RBFOX1: variants seen among roughly 807,000 people sequenced by gnomAD.
RBFOX1 encodes RNA binding protein fox-1 homolog 1.
RBFOX1 carries 8 observed loss-of-function variants against 57.7 expected under a neutral mutation model. The observed-to-expected ratio is 0.14, with a 90% CI of 0.08 to 0.25. The LOEUF is 0.25. RBFOX1 is among the 10% of genes least tolerant of loss of function. The pLI, the probability that RBFOX1 is intolerant of heterozygous loss-of-function variation, is 1.00. For synonymous variants in RBFOX1, 326 were observed against 222.4 expected, an observed-to-expected ratio of 1.47 and a Z score of -4.15; for missense variants, 611 against 548.5, an observed-to-expected ratio of 1.11 and a Z score of -1.14.
chr16:6,967,770 G>C (rs555586033), intron 3 of RBFOX1, among the ~76,000 whole-genome samples: 7 of 152,060 alleles, frequency 4.6e-5, no homozygotes, highest in African/African-American at 1.7e-4. Context: ...TGGGACCCTG[G>C]GGAATGTGTG....
At chr16:5,729,190 T>G (rs1270138409) in intron 3 of RBFOX1, among the ~76,000 whole-genome samples, 2 of 152,188 alleles carry the variant, frequency 1.3e-5, no homozygotes, top group Non-Finnish European at 2.9e-5. Context: ...GGCGAGGGGC[T>G]TAGACTTTCT....
chr16:6,818,947 G>A (rs1201442806), intron 3 of RBFOX1, among the ~76,000 whole-genome samples: 1 of 152,046 alleles, frequency 6.6e-6, no homozygotes, highest in African/African-American at 2.4e-5. Context: ...TCGAAATTTT[G>A]GTAGCCACCT....
chr16:7,215,725 A>ATTTTT lies in RBFOX1; in HGVS notation c.27+163640_27+163644dup, dbSNP rs56108914. ...ATCTCTAAGAATTGGCCTATTCTGG[A>ATTTTT]TTTTTTTTTTTTTTTTTGAGACGGA... On this transcript the variant is annotated intron_variant, in intron 4 of 15. Transcript: ENST00000550418. 8.9e-3 allele frequency among the ~76,000 whole-genome samples: 1,191 copies of ATTTTT among 133,322 alleles called. 39 individuals carry two copies. The highest frequency in any genetic ancestry group is 0.032 in the African/African-American group (1,099 of 34,574). 87.5% of individuals were successfully genotyped at this position (133,322 alleles called of 152,430 possible). A position where few individuals can be genotyped will look rare whatever the true frequency, so the allele number is the denominator to read the frequency against.
intron 1 of RBFOX1, among the ~76,000 whole-genome samples, chr16:5,357,543 A>T (rs2065424863): frequency 6.6e-6 from 1 of 152,208 alleles, no homozygotes; most frequent in East Asian, 1.9e-4. Flanking sequence ...TGTGCATAGG[A>T]ATCAGCTGGG....
rs1208011739 is a variant in RBFOX1, at chr16:6,655,244, CAT to C, written c.-16+595_-16+596del. 5.2e-4 allele frequency among the ~76,000 whole-genome samples: 79 copies of C among 151,230 alleles called. 1 individual carries two copies. Among genetic ancestry groups the C allele is most frequent in the Middle Eastern group, 6.8e-3 (2 of 292 alleles). On this transcript the variant is annotated intron_variant, in intron 3 of 15. Coordinates refer to ENST00000550418, the MANE Select transcript of RBFOX1 (RefSeq NM_018723.4). ...GAAAAATTAGCCGGGTGTGGTGGCA[CAT>C]GCCTGTAATCCCAGCTACTTGGGAG...
chr16:6,639,060 C>CTT (rs1430193904), intron 2 of RBFOX1, among the ~76,000 whole-genome samples: 1 of 152,214 alleles, frequency 6.6e-6, no homozygotes, highest in Non-Finnish European at 1.5e-5. Context: ...ACCTACAAAG[C>CTT]TTAGCCATCG....
intron 3 of RBFOX1, among the ~76,000 whole-genome samples, chr16:5,837,002 C>T (rs371441863): frequency 3.3e-5 from 5 of 152,176 alleles, no homozygotes; most frequent in Admixed American, 2.0e-4. Flanking sequence ...ATAGTCTTCC[C>T]TAGAGCCCTT....
intron 3 of RBFOX1, among the ~76,000 whole-genome samples, chr16:7,027,879 G>A (rs1427751029): frequency 6.7e-6 from 1 of 149,756 alleles, no homozygotes; most frequent in Non-Finnish European, 1.5e-5. Flanking sequence ...GAAACCGGGA[G>A]AAAAAAAGAA....
intron 2 of RBFOX1, among the ~76,000 whole-genome samples, chr16:5,587,049 G>C (rs2046856360): frequency 6.6e-6 from 1 of 152,184 alleles, no homozygotes; most frequent in African/African-American, 2.4e-5. Context: ...CTCAGCCCCA[G>C]AGGGAGCCAG....
chr16:6,106,599 C>T (rs2096382539), intron 1 of RBFOX1, among the ~76,000 whole-genome samples: 1 of 152,084 alleles, frequency 6.6e-6, no homozygotes, highest in Admixed American at 6.5e-5. Flanking sequence ...AGGAAAGTCT[C>T]TTCATTGCCA....
intron 2 of RBFOX1, among the ~76,000 whole-genome samples, chr16:5,502,461 C>T (rs916862262): frequency 1.3e-5 from 2 of 152,112 alleles, no homozygotes; most frequent in Admixed American, 6.5e-5. Context: ...CCTCAGGCTC[C>T]GGCCCCTAGT....
chr16:5,735,926 T>C (rs1389703791), intron 3 of RBFOX1, among the ~76,000 whole-genome samples: 1 of 152,074 alleles, frequency 6.6e-6, no homozygotes, highest in African/African-American at 2.4e-5. Flanking sequence ...AATATGTTCA[T>C]TTGACACATG....
chr16:6,458,937 G>A (rs2094841858), intron 2 of RBFOX1, among the ~76,000 whole-genome samples: 1 of 152,198 alleles, frequency 6.6e-6, no homozygotes, highest in Non-Finnish European at 1.5e-5. Context: ...TGGTGATTAG[G>A]AGGACTGTGG....
chr16:7,186,880 A>G (rs1284236486), intron 4 of RBFOX1, among the ~76,000 whole-genome samples: 1 of 151,204 alleles, frequency 6.6e-6, no homozygotes, highest in African/African-American at 2.4e-5. Context: ...TCTCTAGGCC[A>G]GGCACAGTGG....
At chr16:7,165,641 C>G (rs1406002725) in intron 4 of RBFOX1, among the ~76,000 whole-genome samples, 1 of 151,776 alleles carries the variant, frequency 6.6e-6, no homozygotes, top group Admixed American at 6.6e-5. Context: ...GTTGGTCAGG[C>G]TGGTCTCAAA....
chr16:7,494,395 G>A (rs554164728), intron 4 of RBFOX1, among the ~76,000 whole-genome samples: 26 of 152,156 alleles, frequency 1.7e-4, no homozygotes, highest in Non-Finnish European at 2.6e-4. Flanking sequence ...TGATGGGTGT[G>A]ATGTGTCACA....
chr16:5,416,987 G>A (rs2067179174), intron 1 of RBFOX1, among the ~76,000 whole-genome samples: 1 of 152,144 alleles, frequency 6.6e-6, no homozygotes, highest in Admixed American at 6.6e-5. Flanking sequence ...GTAAAACCCA[G>A]CCCGCTGAAA....
intron 1 of RBFOX1, among the ~76,000 whole-genome samples, chr16:6,214,374 A>T (rs917510765): frequency 1.4e-5 from 2 of 147,408 alleles, no homozygotes; most frequent in African/African-American, 2.5e-5. Context: ...TGAGGGAGAA[A>T]GAGTGAGAGT....
intron 1 of RBFOX1, chr16:6,037,990 C>T (rs1240207360): frequency 6.6e-6 from 1 of 152,058 alleles, no homozygotes; most frequent in African/African-American, 2.4e-5. Flanking sequence ...GGTCTGTATA[C>T]TTAGGCATGA....
Sources: allele counts gnomAD v4.1 joint callset (sites outside exome capture counted in the v4.1 genomes callset), GRCh38; gene constraint gnomAD v4.1.1; transcripts MANE v1.5; gene names NCBI Gene and HGNC (gene_info 2026-07-23, HGNC 2026-07-21).